Variants in ZNF385B observed in about 807,000 individuals in gnomAD.
ZNF385B encodes the protein zinc finger protein 533.
A neutral mutation model predicts 39.2 loss-of-function variants in ZNF385B; 23 were observed. The ratio of observed to expected loss-of-function variants is 0.59; its 90% CI spans 0.42 to 0.83. The LOEUF (loss-of-function observed/expected upper bound fraction) is 0.83. Ranked by LOEUF, ZNF385B falls within the 40% of genes least tolerant of loss-of-function variation. The probability of loss-of-function intolerance (pLI) is 0.00; values close to 1 mark genes in which losing one functional copy is unlikely to be tolerated. For synonymous variants in ZNF385B, 205 were observed against 222.6 expected, an observed-to-expected ratio of 0.92 and a Z score of 0.70; for missense variants, 552 against 598.9, an observed-to-expected ratio of 0.92 and a Z score of 0.82.
At chr2:179,577,138 T>C (rs751405244) in intron 3 of ZNF385B, among the ~76,000 whole-genome samples, 1 of 152,136 alleles carries the variant, frequency 6.6e-6, no homozygotes, top group Non-Finnish European at 1.5e-5. Flanking sequence ...ATTGGGCTAA[T>C]AGAGTAAAAC....
intron 1 of ZNF385B, among the ~76,000 whole-genome samples, chr2:179,817,861 G>C (rs1707164383): frequency 6.6e-6 from 1 of 152,124 alleles, no homozygotes. Context: ...GAAAGAGAAA[G>C]TTCATGCGCA....
intron 6 of ZNF385B, among the ~76,000 whole-genome samples, chr2:179,472,115 G>A (rs1335878034): frequency 6.6e-6 from 1 of 152,106 alleles, no homozygotes; most frequent in Non-Finnish European, 1.5e-5. Flanking sequence ...ACATCATTAT[G>A]GTTCTTGATT....
At chr2:179,811,061 C>A (rs563095460) in intron 1 of ZNF385B, among the ~76,000 whole-genome samples, 1 of 152,002 alleles carries the variant, frequency 6.6e-6, no homozygotes, top group East Asian at 1.9e-4. Flanking sequence ...TTTACAATAG[C>A]CACACACACA....
chr2:179,756,079 G>A (rs1254129376), intron 3 of ZNF385B, among the ~76,000 whole-genome samples: 1 of 152,200 alleles, frequency 6.6e-6, no homozygotes, highest in East Asian at 1.9e-4. Context: ...TAGCCTCAAT[G>A]GTCTTTACAA....
rs554044610 is a variant in ZNF385B, at chr2:179,702,511, C to T, written c.298+66992G>A. The stretch of plus-strand genomic sequence containing the variant: ...TCCACGTGCTAAACAAGTGCAGTTA[C>T]AAAATTCAGGAAAATTGTATTACTA... On this transcript the variant is annotated intron_variant, in intron 3 of 9. Coordinates refer to ENST00000410066, the MANE Select transcript of ZNF385B (RefSeq NM_152520.6). 2.0e-5 allele frequency among the ~76,000 whole-genome samples: 3 copies of T among 152,212 alleles called. No homozygotes were observed. In the East Asian group the frequency reaches 5.8e-4, roughly 29 times the overall value.
chr2:179,814,129 C>G (rs1237980547), intron 1 of ZNF385B: 1 of 159,758 alleles, frequency 6.3e-6, no homozygotes, highest in Non-Finnish European at 1.4e-5. Flanking sequence ...TATGGGCAGG[C>G]CCTGGGGGTC....
chr2:179,786,741 A>G (rs962747622), intron 1 of ZNF385B, among the ~76,000 whole-genome samples: 3 of 144,022 alleles, frequency 2.1e-5, no homozygotes, highest in Admixed American at 1.4e-4. Context: ...TATTTAGAAT[A>G]TTTTTTGTTT....
At chr2:179,763,760 T>C (rs554320434) in intron 3 of ZNF385B, among the ~76,000 whole-genome samples, 2 of 152,208 alleles carry the variant, frequency 1.3e-5, no homozygotes, top group African/African-American at 4.8e-5. Context: ...TTAAGAGATA[T>C]ATTGTTTAAT....
chr2:179,827,134 T>C (rs1707723615), intron 1 of ZNF385B, among the ~76,000 whole-genome samples: 1 of 152,178 alleles, frequency 6.6e-6, no homozygotes, highest in Non-Finnish European at 1.5e-5. Context: ...GCACTAGAAA[T>C]ACATTAGTCA....
At chr2:179,648,017 G>A (rs1426591482) in intron 3 of ZNF385B, among the ~76,000 whole-genome samples, 1 of 152,074 alleles carries the variant, frequency 6.6e-6, no homozygotes, top group Non-Finnish European at 1.5e-5. Context: ...GGTGACTGTG[G>A]CAGAGCAGTG....
chr2:179,510,208 T>C, intron 5 of ZNF385B, among the ~76,000 whole-genome samples: 1 of 152,060 alleles, frequency 6.6e-6, no homozygotes, highest in East Asian at 1.9e-4. Flanking sequence ...CTGCAGTGAG[T>C]GTGTGTAGAT....
At chr2:179,576,585 C>T (rs1043058111) in intron 3 of ZNF385B, among the ~76,000 whole-genome samples, 2 of 152,200 alleles carry the variant, frequency 1.3e-5, no homozygotes, top group Non-Finnish European at 1.5e-5. Flanking sequence ...CTATATTCCA[C>T]ATCACCGTAG....
chr2:179,741,595 G>A (rs1702090608), intron 3 of ZNF385B, among the ~76,000 whole-genome samples: 1 of 151,904 alleles, frequency 6.6e-6, no homozygotes, highest in Non-Finnish European at 1.5e-5. Flanking sequence ...GGATAGCTTG[G>A]GTGTGGGAAT....
chr2:179,678,771 T>G (rs1361362124), intron 3 of ZNF385B, among the ~76,000 whole-genome samples: 1 of 152,188 alleles, frequency 6.6e-6, no homozygotes, highest in Non-Finnish European at 1.5e-5. Flanking sequence ...CTCTCTGTTA[T>G]TTTAAGTTTT....
At chr2:179,706,354 A>G (rs948592502) in intron 3 of ZNF385B, among the ~76,000 whole-genome samples, 3 of 152,158 alleles carry the variant, frequency 2.0e-5, no homozygotes, top group Non-Finnish European at 4.4e-5. Context: ...CCTGTATGTA[A>G]GTCCCCTCAA....
At chr2:179,806,365 T>C (rs1266727853) in intron 1 of ZNF385B, among the ~76,000 whole-genome samples, 1 of 152,152 alleles carries the variant, frequency 6.6e-6, no homozygotes, top group East Asian at 1.9e-4. Context: ...TGTAATTGGC[T>C]CCTTGTCTTC....
At chr2:179,627,071 A>G (rs185805192) in intron 3 of ZNF385B, among the ~76,000 whole-genome samples, 1 of 152,272 alleles carries the variant, frequency 6.6e-6, no homozygotes, top group East Asian at 1.9e-4. Context: ...CCTACCTTTA[A>G]CAAATAGTTC....
At chr2:179,465,861 C>A (rs912486420) in intron 6 of ZNF385B, among the ~76,000 whole-genome samples, 4 of 151,988 alleles carry the variant, frequency 2.6e-5, no homozygotes, top group African/African-American at 9.7e-5. Context: ...AAAATTATTA[C>A]CAGGAGAGAT....
intron 3 of ZNF385B, among the ~76,000 whole-genome samples, chr2:179,763,035 G>A (rs1166385823): frequency 6.6e-6 from 1 of 152,152 alleles, no homozygotes; most frequent in Non-Finnish European, 1.5e-5. Flanking sequence ...CTCCAGAATA[G>A]CTGGGAATCC....
Sources: gnomAD v4.1 joint callset for allele counts (sites outside exome capture counted in the v4.1 genomes callset) on GRCh38, gnomAD v4.1.1 for gene constraint, MANE v1.5 for transcripts, NCBI Gene and HGNC (gene_info 2026-07-23, HGNC 2026-07-21) for gene names.